ENTREP2: variants seen among roughly 807,000 people sequenced by gnomAD.
ENTREP2 encodes the protein protein ENTREP2.
chr15:29,608,552 T>TTATTATTA, the ENTREP2 span, among the ~76,000 whole-genome samples: 1 of 94,678 alleles, frequency 1.1e-5, no homozygotes, highest in Non-Finnish European at 2.2e-5. Context: ...TATTATTATT[T>TTATTATTA]ATTTATTATT....
chr15:29,668,199 C>T, the ENTREP2 span, among the ~76,000 whole-genome samples: 3 of 152,304 alleles, frequency 2.0e-5, no homozygotes, highest in Non-Finnish European at 1.5e-5. Context: ...AGTTGATCTG[C>T]ACAACCAACA....
chr15:29,444,450 GCTTC>G, the ENTREP2 span, among the ~76,000 whole-genome samples: 3 of 151,158 alleles, frequency 2.0e-5, no homozygotes, highest in South Asian at 4.2e-4. Context: ...GGGGTCCACA[GCTTC>G]CTTCTTTTTT....
the ENTREP2 span, among the ~76,000 whole-genome samples, chr15:29,237,510 G>GT: frequency 6.6e-6 from 1 of 152,154 alleles, no homozygotes; most frequent in South Asian, 2.1e-4. Flanking sequence ...AAGGGATGAG[G>GT]TTTAGGTTGA....
the ENTREP2 span, among the ~76,000 whole-genome samples, chr15:29,343,590 C>T: frequency 3.9e-5 from 6 of 152,026 alleles, no homozygotes; most frequent in Admixed American, 3.3e-4. Flanking sequence ...CTCTCTTTCT[C>T]TCTCTTTCTC....
chr15:29,208,005 C>T, the ENTREP2 span, among the ~76,000 whole-genome samples: 1 of 152,132 alleles, frequency 6.6e-6, no homozygotes, highest in Admixed American at 6.5e-5. Context: ...CCACGCTGGC[C>T]CCTCCTAGCC....
the ENTREP2 span, among the ~76,000 whole-genome samples, chr15:29,283,427 T>C: frequency 6.6e-6 from 1 of 152,192 alleles, no homozygotes; most frequent in Non-Finnish European, 1.5e-5. Context: ...TAGCTCACTG[T>C]AACCTTGAAC....
At chr15:29,264,131 G>GCA in the ENTREP2 span, among the ~76,000 whole-genome samples, 3 of 97,220 alleles carry the variant, frequency 3.1e-5, no homozygotes, top group East Asian at 3.4e-4. Flanking sequence ...CTACAGCCTG[G>GCA]GCGACAGAGC....
the ENTREP2 span, among the ~76,000 whole-genome samples, chr15:29,408,220 G>C: frequency 6.6e-6 from 1 of 152,136 alleles, no homozygotes. Context: ...CACTGTTCTA[G>C]GCACAGGGGA....
At chr15:29,278,495 G>C in the ENTREP2 span, among the ~76,000 whole-genome samples, 9 of 152,216 alleles carry the variant, frequency 5.9e-5, no homozygotes, top group Admixed American at 6.5e-5. Context: ...CTTCAAGGTT[G>C]GGAGAGCCAG....
At chr15:29,243,067 G>T in the ENTREP2 span, among the ~76,000 whole-genome samples, 2 of 152,226 alleles carry the variant, frequency 1.3e-5, no homozygotes, top group Non-Finnish European at 2.9e-5. Context: ...GAGGATGCTG[G>T]ACAGCGCTCC....
At chr15:29,436,481 G>A in the ENTREP2 span, among the ~76,000 whole-genome samples, 2 of 152,164 alleles carry the variant, frequency 1.3e-5, 1 homozygote, top group African/African-American at 4.8e-5. Context: ...GACAAAAGTG[G>A]TGTTCTGTGA....
the ENTREP2 span, among the ~76,000 whole-genome samples, chr15:29,643,011 G>A: frequency 6.6e-6 from 1 of 152,130 alleles, no homozygotes; most frequent in African/African-American, 2.4e-5. Flanking sequence ...AAAACTGAAA[G>A]GCAAGTAAAA....
At chr15:29,384,441 C>T in the ENTREP2 span, among the ~76,000 whole-genome samples, 2 of 152,114 alleles carry the variant, frequency 1.3e-5, no homozygotes, top group Admixed American at 6.5e-5. Flanking sequence ...CTTGTCCACT[C>T]GCTCTTGTCT....
the ENTREP2 span, among the ~76,000 whole-genome samples, chr15:29,483,878 T>C: frequency 2.0e-5 from 3 of 152,234 alleles, no homozygotes; most frequent in Non-Finnish European, 4.4e-5. Flanking sequence ...TTTTATTAGT[T>C]TGTTGGAAAC....
the ENTREP2 span, chr15:29,570,839 G>A: frequency 3.8e-6 from 1 of 260,184 alleles, no homozygotes; most frequent in Non-Finnish European, 5.8e-6. Context: ...CCTCCCAGCC[G>A]GCTGCCAGGG....
At chr15:29,643,909 C>T in the ENTREP2 span, among the ~76,000 whole-genome samples, 2 of 152,016 alleles carry the variant, frequency 1.3e-5, no homozygotes, top group African/African-American at 4.8e-5. Context: ...AAATGGTTAC[C>T]ATATACCCCA....
chr15:29,190,376 G>T, the ENTREP2 span, among the ~76,000 whole-genome samples: 1 of 151,868 alleles, frequency 6.6e-6, no homozygotes, highest in Non-Finnish European at 1.5e-5. Context: ...AAAAAACAGA[G>T]AATCTAGGAG....
chr15:29,118,892 T>TG, the ENTREP2 span, among the ~76,000 whole-genome samples: 2 of 152,186 alleles, frequency 1.3e-5, no homozygotes, highest in African/African-American at 4.8e-5. Flanking sequence ...GGCGGTGGCC[T>TG]GGGGTCCAGC....
the ENTREP2 span, among the ~76,000 whole-genome samples, chr15:29,256,104 A>G: frequency 6.6e-6 from 1 of 152,114 alleles, no homozygotes; most frequent in African/African-American, 2.4e-5. Flanking sequence ...CAAATACTAT[A>G]TATTCTCACT....
Sources: allele counts gnomAD v4.1 joint callset (sites outside exome capture counted in the v4.1 genomes callset), GRCh38; gene constraint gnomAD v4.1.1; transcripts MANE v1.5; gene names NCBI Gene and HGNC (gene_info 2026-07-23, HGNC 2026-07-21).